NKAIN1: variants seen among roughly 807,000 people sequenced by gnomAD.
NKAIN1 encodes sodium/potassium transporting ATPase interacting 1.
Under a neutral mutation model 31.6 loss-of-function variants are expected in NKAIN1, and 13 were observed. The ratio of observed to expected loss-of-function variants is 0.41; its 90% confidence interval spans 0.27 to 0.65. NKAIN1 has a LOEUF of 0.65. NKAIN1 is among the 30% of genes least tolerant of loss of function. The probability of loss-of-function intolerance (pLI) is 0.30; values close to 1 mark genes in which losing one functional copy is unlikely to be tolerated. For missense variants in NKAIN1, 193 were observed against 262.2 expected (o/e 0.74, Z 1.82); for synonymous variants, 104 against 109.0 (o/e 0.95, Z 0.28).
chr1:31,182,079 G>A, intron 5 of NKAIN1, 138 bp from the exon 6 acceptor site: 1 of 857,600 alleles, frequency 1.2e-6, no homozygotes. Flanking sequence ...GGAGGGGAGG[G>A]GCGAGGGTCA....
intron 1 of NKAIN1, among the ~76,000 whole-genome samples, chr1:31,231,706 A>T (rs1157694645): frequency 6.6e-6 from 1 of 151,664 alleles, no homozygotes; most frequent in African/African-American, 2.4e-5. Flanking sequence ...AATTTTTTGT[A>T]TTTTTAGTAG....
rs1645439866 is a variant in NKAIN1, at chr1:31,208,348, C to CG, written c.55-20162_55-20161insC. On this transcript the variant is annotated intron_variant, in intron 1 of 6. Transcript: ENST00000373736. ...TGAGTCCAATTCTTTCTTCCACCCC[C>CG]CGCTTATGGAAACTTGTGTTCTGTT... Among the ~76,000 whole-genome samples, 5 of 152,180 alleles carry CG rather than the reference C, an allele frequency of 3.3e-5. No homozygotes were observed. The South Asian group carries it at 1.0e-3, about 32-fold the overall frequency.
intron 1 of NKAIN1, among the ~76,000 whole-genome samples, chr1:31,190,860 T>C (rs1645279469): frequency 6.6e-6 from 1 of 152,178 alleles, no homozygotes; most frequent in African/African-American, 2.4e-5. Flanking sequence ...GGAGCCTTGG[T>C]GTTCTGGGGT....
intron 5 of NKAIN1, 85 bp downstream of exon 5, chr1:31,182,445 C>T (rs1015105632): frequency 6.6e-7 from 1 of 1,506,628 alleles, no homozygotes; most frequent in Non-Finnish European, 9.2e-7. Flanking sequence ...GGGCTCCCTC[C>T]CGCCGGGGCC....
intron 1 of NKAIN1, among the ~76,000 whole-genome samples, chr1:31,202,154 A>G (rs977154356): frequency 1.3e-5 from 2 of 152,116 alleles, no homozygotes; most frequent in African/African-American, 2.4e-5. Flanking sequence ...TCTCCATGGT[A>G]ACCCCATCCC....
At chr1:31,209,127 C>G (rs1023234562) in intron 1 of NKAIN1, among the ~76,000 whole-genome samples, 2 of 152,176 alleles carry the variant, frequency 1.3e-5, no homozygotes, top group Non-Finnish European at 2.9e-5. Context: ...GTAATTCCAG[C>G]ACTTTGGGAG....
intron 1 of NKAIN1, among the ~76,000 whole-genome samples, chr1:31,201,653 G>A (rs189889823): frequency 3.3e-5 from 5 of 152,228 alleles, no homozygotes; most frequent in Admixed American, 3.3e-4. Flanking sequence ...GAGCCACCGC[G>A]CCCGGCCAAT....
In NKAIN1 at chr1:31,188,196, G is replaced by A. The variant is rs1343742588; in HGVS notation, c.55-9C>T. 1 of 1,550,842 alleles carries A rather than the reference G, an allele frequency of 6.4e-7. No individual in the cohort carries two copies. Among genetic ancestry groups the A allele is most frequent in the African/African-American group, 1.4e-5 (1 of 73,062 alleles). The stretch of plus-strand genomic sequence containing the variant: ...CGCTCCAGCGCAGCCACCTGTGGAA[G>A]AGACAGGCTGAGGCCACTGTCACCC... On this transcript the variant is annotated splice_polypyrimidine_tract_variant and intron_variant, in intron 1 of 6. Transcript: ENST00000373736.
intron 1 of NKAIN1, among the ~76,000 whole-genome samples, chr1:31,212,753 C>T (rs1307570740): frequency 6.6e-6 from 1 of 151,984 alleles, no homozygotes; most frequent in African/African-American, 2.4e-5. Context: ...GTAATCTCAG[C>T]ACTTTCAGAG....
intron 1 of NKAIN1, among the ~76,000 whole-genome samples, chr1:31,237,357 C>G (rs946888): frequency 1.3e-5 from 2 of 152,170 alleles, no homozygotes; most frequent in Non-Finnish European, 2.9e-5. Flanking sequence ...GAGTTAATAC[C>G]TGGAAAAGTG....
chr1:31,201,212 C>T (rs981909592), intron 1 of NKAIN1, among the ~76,000 whole-genome samples: 3 of 152,088 alleles, frequency 2.0e-5, no homozygotes, highest in Non-Finnish European at 4.4e-5. Flanking sequence ...GAGCAGACAC[C>T]AGTAACATCT....
chr1:31,218,072 T>TTTC (rs1191182805), intron 1 of NKAIN1, among the ~76,000 whole-genome samples: 45 of 31,306 alleles, frequency 1.4e-3, no homozygotes, highest in East Asian at 3.1e-3. Context: ...TTCTTTCTTT[T>TTTC]TTTTTTTTGA....
intron 1 of NKAIN1, among the ~76,000 whole-genome samples, chr1:31,209,855 T>C (rs2095993): frequency 0.75 from 113,568 of 151,522 alleles, 43,086 homozygotes; most frequent in Middle Eastern, 0.9. Context: ...GGTGTGGTGG[T>C]GCATGTCTGT....
chr1:31,235,049 C>A (rs1044656224), intron 1 of NKAIN1, among the ~76,000 whole-genome samples: 1 of 152,144 alleles, frequency 6.6e-6, no homozygotes, highest in Admixed American at 6.5e-5. Context: ...TTAACATGCA[C>A]CAGGCACTTT....
chr1:31,213,470 G>C (rs1331496622), intron 1 of NKAIN1, among the ~76,000 whole-genome samples: 1 of 152,212 alleles, frequency 6.6e-6, no homozygotes, highest in African/African-American at 2.4e-5. Context: ...CTCATGTGTT[G>C]CTGGTGGAAA....
At chr1:31,204,644 G>A (rs74063691) in intron 1 of NKAIN1, among the ~76,000 whole-genome samples, 6,119 of 152,190 alleles carry the variant, frequency 0.04, 339 homozygotes, top group African/African-American at 0.12. Flanking sequence ...AGGAGACGCC[G>A]GCTGCAGATA....
chr1:31,196,524 A>AAAAAG (rs1645328835), intron 1 of NKAIN1, among the ~76,000 whole-genome samples: 1 of 149,718 alleles, frequency 6.7e-6, no homozygotes, highest in African/African-American at 2.5e-5. Flanking sequence ...AAAAAAAAAA[A>AAAAAG]AAAAATAGAA....
chr1:31,186,062 TAA>T (rs765519205), intron 2 of NKAIN1, among the ~76,000 whole-genome samples: 219 of 130,160 alleles, frequency 1.7e-3, no homozygotes, highest in African/African-American at 4.8e-3. Flanking sequence ...AACCCATATT[TAA>T]AAAAAAAAAA....
In NKAIN1 at chr1:31,180,886, T is replaced by C. The variant is rs6425714; in HGVS notation, c.*817A>G. 114,728 of 152,054 alleles carry C rather than the reference T, an allele frequency of 0.75. 43,448 individuals are homozygous for C. Among genetic ancestry groups the C allele is most frequent in the Middle Eastern group, 0.85 (251 of 294 alleles). The allele number at this position is 152,054 out of a possible 1,614,324, so 9.4% of individuals were successfully genotyped here. On this transcript the variant is annotated 3_prime_UTR_variant, in exon 7 of 7. Coordinates refer to ENST00000373736, the MANE Select transcript of NKAIN1 (RefSeq NM_024522.3). ...TAAGAGAGGCATTGGCAAGTGGTGG[T>C]GGTGGTGTGTGAATATGGTGGAGAC... is the stretch of plus-strand genomic sequence containing the variant.
Sources: allele counts gnomAD v4.1 joint callset (sites outside exome capture counted in the v4.1 genomes callset), GRCh38; gene constraint gnomAD v4.1.1; transcripts MANE v1.5; gene names NCBI Gene and HGNC (gene_info 2026-07-23, HGNC 2026-07-21).